BLNK: variants seen among roughly 807,000 people sequenced by gnomAD.
BLNK encodes the protein B cell linker.
A neutral mutation model predicts 73.5 loss-of-function variants in BLNK; 29 were observed. That is an observed-to-expected ratio of 0.39 (90% CI 0.29 to 0.54). The LOEUF is 0.54. BLNK is among the 20% of genes least tolerant of loss of function. The probability of loss-of-function intolerance (pLI) is 0.61; values close to 1 mark genes in which losing one functional copy is unlikely to be tolerated. For synonymous variants in BLNK, 176 were observed against 200.8 expected (o/e 0.88, Z 1.04); for missense variants, 460 against 562.8 (o/e 0.82, Z 1.85).
intron 11 of BLNK, chr10:96,204,841 C>T (rs2083753617): frequency 2.0e-6 from 1 of 501,598 alleles, no homozygotes; most frequent in African/African-American, 1.9e-5. Flanking sequence ...CATCCTACCA[C>T]CTCTGCATTC....
chr10:96,228,976 T>A (rs1554903392), intron 4 of BLNK, among the ~76,000 whole-genome samples: 1 of 152,044 alleles, frequency 6.6e-6, no homozygotes, highest in East Asian at 1.9e-4. Flanking sequence ...GGTATATATA[T>A]ATATGGGGTA....
chr10:96,267,451 G>T (rs782339311), intron 1 of BLNK, among the ~76,000 whole-genome samples: 13 of 152,284 alleles, frequency 8.5e-5, no homozygotes, highest in Non-Finnish European at 1.5e-4. Flanking sequence ...GAGACAGCTA[G>T]TTGTGGAAAG....
chr10:96,192,321 G>A (rs756406715), intron 16 of BLNK, among the ~76,000 whole-genome samples: 6 of 150,018 alleles, frequency 4.0e-5, no homozygotes, highest in Non-Finnish European at 5.9e-5. Context: ...AATTAGCATA[G>A]CTACTTAGAG....
At chr10:96,228,637 G>C (rs587728107) in intron 4 of BLNK, among the ~76,000 whole-genome samples, 1 of 152,300 alleles carries the variant, frequency 6.6e-6, no homozygotes, top group Non-Finnish European at 1.5e-5. Context: ...GGCTTAGAAG[G>C]ATATAAAGTG....
chr10:96,220,090 C>A (rs782422489), intron 6 of BLNK, among the ~76,000 whole-genome samples: 8 of 152,202 alleles, frequency 5.3e-5, no homozygotes, highest in Non-Finnish European at 8.8e-5. Flanking sequence ...CTGATCAAAC[C>A]AATCTGTGGA....
chr10:96,215,434 T>C, intron 7 of BLNK, 45 bp from the exon 8 acceptor site: 1 of 1,483,274 alleles, frequency 6.7e-7, no homozygotes, highest in Non-Finnish European at 9.2e-7. Context: ...TATATATACA[T>C]AAAACCATTA....
At chr10:96,253,747 G>A (rs1843385568) in intron 1 of BLNK, among the ~76,000 whole-genome samples, 1 of 152,050 alleles carries the variant, frequency 6.6e-6, no homozygotes, top group Admixed American at 6.5e-5. Context: ...TGGGTGCGAT[G>A]GCTCACGCCT....
At chr10:96,214,067 T>G (rs1218053107) in intron 8 of BLNK, among the ~76,000 whole-genome samples, 1 of 152,246 alleles carries the variant, frequency 6.6e-6, no homozygotes, top group African/African-American at 2.4e-5. Context: ...GGAGCCTGTC[T>G]CTGGAAGCAG....
Position 96,204,610 on chromosome 10 carries a change from G to C in BLNK, c.824C>G (p.Pro275Arg). ...CCCTCGGTGGCGTTCAGCAGGTATA[G>C]GTTTTTCTGGATCAGGAAAATTATC... ...QNASSVCEEKPIPAERHRGSS... is the reference protein window; with the variant it reads ...QNASSVCEEKRIPAERHRGSS... Residue 275 changes from proline (P) to arginine (R), a missense_variant, in exon 12 of 17, where the codon CCT (proline) becomes CGT (arginine). Physicochemically the swap from Pro to Arg is moderately radical, Grantham distance 103 (BLOSUM62 -2). Around this residue, in one of 3 missense-constraint regions of BLNK, gnomAD observed 233 missense variants for 232.1 expected, o/e 1.00. Transcript: ENST00000224337. 2 of 1,613,920 alleles carry C rather than the reference G, an allele frequency of 1.2e-6. No homozygotes were observed. The highest frequency in any genetic ancestry group is 1.7e-6 in the Non-Finnish European group (2 of 1,179,854).
At chr10:96,254,753 C>T (rs546351264) in intron 1 of BLNK, among the ~76,000 whole-genome samples, 31 of 152,094 alleles carry the variant, frequency 2.0e-4, no homozygotes, top group Non-Finnish European at 4.0e-4. Context: ...TCAGGTAATC[C>T]GCCCACCTCG....
rs2083590957 is a variant in BLNK, at chr10:96,200,095, C to T, written c.1075G>A (p.Ala359Thr). Residue 359 changes from alanine (A) to threonine (T), a missense_variant, in exon 15 of 17, where the codon GCA (alanine) becomes ACA (threonine). By Grantham distance (58) the Ala-to-Thr change is moderately conservative (BLOSUM62 0). Coordinates refer to ENST00000224337, the MANE Select transcript of BLNK (RefSeq NM_013314.4). This position sits in a 1 kb window ranked among gnomAD's most constrained non-coding sequence, Gnocchi z 4.3. ...GACDRKSAEE[A>T]LHRSNKDGSF... ...CAGACCTTGTTTGATCTGTGCAATGCCTCTTCAGCAGACTTTCGATCACAG... is the reference window on the plus strand; with the variant it reads ...CAGACCTTGTTTGATCTGTGCAATGTCTCTTCAGCAGACTTTCGATCACAG... 1 of 1,613,694 alleles carries T rather than the reference C, an allele frequency of 6.2e-7. No homozygotes were observed. The highest frequency in any genetic ancestry group is 8.5e-7 in the Non-Finnish European group (1 of 1,179,776).
rs895691306 is a variant in BLNK at position 96,197,053 on chromosome 10, A to T, written c.1106T>A (p.Phe369Tyr). Residue 369 changes from phenylalanine to tyrosine, a missense_variant, in exon 16 of 17, where the codon TTT becomes TAT. By Grantham distance (22) the Phe-to-Tyr change is conservative. This residue lies in a region of BLNK where 88 missense variants were observed against 143.4 expected (regional missense o/e 0.61). Transcript: ENST00000224337. ...ALHRSNKDGS[F>Y]LIRKSSGHDS... Reference sequence around the variant, plus strand: ...ATGGCCAGAGCTTTTCCGAATAAGAAATGATCCATCCTGTTTAATTTTTTT... The same window carrying T: ...ATGGCCAGAGCTTTTCCGAATAAGATATGATCCATCCTGTTTAATTTTTTT... 2 of 1,612,404 alleles carry T rather than the reference A, an allele frequency of 1.2e-6. No individual in the cohort carries two copies. The highest frequency in any genetic ancestry group is 1.3e-5 in the African/African-American group (1 of 74,880).
intron 4 of BLNK, among the ~76,000 whole-genome samples, chr10:96,229,529 C>T (rs1554903540): frequency 6.6e-6 from 1 of 152,170 alleles, no homozygotes; most frequent in Non-Finnish European, 1.5e-5. Flanking sequence ...TCCTTCCTCT[C>T]CAGGCTGATT....
intron 2 of BLNK, among the ~76,000 whole-genome samples, chr10:96,245,779 T>C (rs1375465161): frequency 1.3e-5 from 2 of 152,172 alleles, no homozygotes; most frequent in African/African-American, 4.8e-5. Context: ...ACAATGTCAG[T>C]GTATGTATGT....
Position 96,244,866 on chromosome 10 carries a change from T to G in BLNK, c.114-2082A>C, listed in dbSNP as rs187847753. On this transcript the variant is annotated intron_variant, in intron 2 of 16. Transcript: ENST00000224337. ...AGACATTTTATGCAGAGGCTTCATG[T>G]TATTGAGAACTGGTGTATTGTAAAA... Among the ~76,000 whole-genome samples the G allele has an allele frequency of 5.9e-5, 9 of 152,184 alleles. No individual in the cohort carries two copies. In the East Asian group the frequency reaches 1.7e-3, roughly 29 times the overall value.
chr10:96,267,801 T>C (rs76783486), intron 1 of BLNK, among the ~76,000 whole-genome samples: 2,629 of 152,308 alleles, frequency 0.017, 76 homozygotes, highest in African/African-American at 0.059. Context: ...CAGGGATCAA[T>C]GGAAAGTCCC....
chr10:96,248,805 A>G (rs993193906), intron 1 of BLNK, among the ~76,000 whole-genome samples: 1 of 152,244 alleles, frequency 6.6e-6, no homozygotes, highest in East Asian at 1.9e-4. Context: ...CCCCTAAAAA[A>G]AAGAGGAATA....
chr10:96,231,962 T>G (rs1348469087), intron 3 of BLNK, among the ~76,000 whole-genome samples: 1 of 152,234 alleles, frequency 6.6e-6, no homozygotes, highest in Non-Finnish European at 1.5e-5. Flanking sequence ...TATGACAGGT[T>G]GTGGCCCTTA....
intron 3 of BLNK, among the ~76,000 whole-genome samples, chr10:96,240,741 G>A (rs1842857547): frequency 6.6e-6 from 1 of 152,196 alleles, no homozygotes. Context: ...GTGAATGGTG[G>A]TGGGATAGGG....
Sources: gnomAD v4.1 joint callset for allele counts (sites outside exome capture counted in the v4.1 genomes callset) on GRCh38, gnomAD v4.1.1 for gene constraint, gnomAD v4.1.1 regional missense constraint, Gnocchi (gnomAD v3.1) non-coding constraint, MANE v1.5 for transcripts, NCBI Gene and HGNC (gene_info 2026-07-23, HGNC 2026-07-21) for gene names.